KCNB2: variants seen among roughly 807,000 people sequenced by gnomAD.
KCNB2 encodes delayed rectifier potassium channel protein.
Under a neutral mutation model 61.5 loss-of-function variants are expected in KCNB2, and 15 were observed. The ratio of observed to expected loss-of-function variants is 0.24; its 90% CI spans 0.16 to 0.38. The LOEUF (loss-of-function observed/expected upper bound fraction) is 0.38, where lower values mean the gene tolerates loss of function less well. KCNB2 is among the 10% of genes least tolerant of loss of function. The pLI is 1.00. For synonymous variants in KCNB2, 457 were observed against 446.0 expected, an observed-to-expected ratio of 1.02 and a Z score of -0.31; for missense variants, 828 against 1,125.2, an observed-to-expected ratio of 0.74 and a Z score of 3.78.
At chr8:72,561,806 A>T (rs1806541409) in intron 1 of KCNB2, among the ~76,000 whole-genome samples, 1 of 116,146 alleles carries the variant, frequency 8.6e-6, no homozygotes, top group African/African-American at 3.1e-5. Flanking sequence ...TATATATATG[A>T]ATGATAGTTT....
intron 2 of KCNB2, among the ~76,000 whole-genome samples, chr8:72,821,631 CAAAAAAAA>C (rs1187637196): frequency 1.9e-4 from 11 of 56,466 alleles, no homozygotes; most frequent in African/African-American, 9.2e-4. Flanking sequence ...CACACACACA[CAAAAAAAA>C]ACAAAAAAAA....
At chr8:72,737,025 G>A (rs1807857854) in intron 2 of KCNB2, among the ~76,000 whole-genome samples, 2 of 150,812 alleles carry the variant, frequency 1.3e-5, no homozygotes, top group African/African-American at 4.9e-5. Flanking sequence ...TTGAAATGTA[G>A]TTGCTATTTT....
At chr8:72,682,214 C>T (rs1005838207) in intron 2 of KCNB2, among the ~76,000 whole-genome samples, 2 of 152,122 alleles carry the variant, frequency 1.3e-5, no homozygotes, top group East Asian at 3.9e-4. Context: ...TCATGATAAA[C>T]GTCCTCTGGA....
chr8:72,555,980 C>T (rs1235551574), intron 1 of KCNB2, among the ~76,000 whole-genome samples: 1 of 151,970 alleles, frequency 6.6e-6, no homozygotes, highest in Admixed American at 6.6e-5. Context: ...AATATTTTCT[C>T]TCTTTGTCCA....
At chr8:72,910,005 G>C (rs1168628984) in intron 2 of KCNB2, among the ~76,000 whole-genome samples, 1 of 152,152 alleles carries the variant, frequency 6.6e-6, no homozygotes, top group Non-Finnish European at 1.5e-5. Context: ...CCAATCATCT[G>C]TGTGACTCCT....
chr8:72,576,095 G>A (rs902538482), intron 2 of KCNB2, among the ~76,000 whole-genome samples: 3 of 152,082 alleles, frequency 2.0e-5, no homozygotes, highest in Non-Finnish European at 4.4e-5. Flanking sequence ...TCAAAACATG[G>A]TATAGGAAAA....
chr8:72,847,071 G>A (rs1216308252), intron 2 of KCNB2, among the ~76,000 whole-genome samples: 1 of 152,154 alleles, frequency 6.6e-6, no homozygotes, highest in Non-Finnish European at 1.5e-5. Context: ...GGAATACTAT[G>A]CACTCAGTTG....
intron 2 of KCNB2, among the ~76,000 whole-genome samples, chr8:72,913,451 C>T (rs1806336555): frequency 6.6e-6 from 1 of 152,184 alleles, no homozygotes; most frequent in Non-Finnish European, 1.5e-5. Flanking sequence ...CACAGGATTG[C>T]TATTCTCCCT....
At chr8:72,592,562 A>G (rs1807117840) in intron 2 of KCNB2, among the ~76,000 whole-genome samples, 1 of 152,048 alleles carries the variant, frequency 6.6e-6, no homozygotes, top group Non-Finnish European at 1.5e-5. Flanking sequence ...TATGTGAGGC[A>G]TGGCCACATG....
chr8:72,659,366 G>A (rs1472428211), intron 2 of KCNB2, among the ~76,000 whole-genome samples: 2 of 152,212 alleles, frequency 1.3e-5, no homozygotes, highest in Non-Finnish European at 2.9e-5. Context: ...TAGATGAGGA[G>A]TTGCTTCTTA....
At chr8:72,819,471 T>C (rs1809456076) in intron 2 of KCNB2, among the ~76,000 whole-genome samples, 1 of 152,174 alleles carries the variant, frequency 6.6e-6, no homozygotes, top group South Asian at 2.1e-4. Context: ...ACCTTTGTTG[T>C]AGCAAGTTGA....
At position 72,936,733 on chromosome 8, in the gene KCNB2, C is replaced by T; in HGVS notation, c.1378C>T (p.Arg460Ter). 1 of 1,614,098 alleles carries T rather than the reference C, an allele frequency of 6.2e-7. No individual in the cohort carries two copies. Among genetic ancestry groups the T allele is most frequent in the East Asian group, 2.2e-5 (1 of 44,872 alleles). The part of the protein sequence containing the change: ...VSMNLKDAFA[R>*]SMELIDVAVE... Reference sequence around the variant, plus strand: ...TATGAACTTAAAAGATGCCTTCGCTCGAAGTATGGAACTGATAGATGTGGC... The same window carrying T: ...TATGAACTTAAAAGATGCCTTCGCTTGAAGTATGGAACTGATAGATGTGGC... The change falls in exon 3 of 3, where the codon CGA becomes TGA. Residue 460 changes from arginine to a stop codon, truncating the protein, a stop_gained. Transcript: ENST00000523207. LOFTEE classifies it high-confidence loss of function. The surrounding 1 kb of genome is among the most constrained non-coding windows in gnomAD (Gnocchi z 5.6).
At chr8:72,705,347 A>G (rs1373070644) in intron 2 of KCNB2, among the ~76,000 whole-genome samples, 2 of 152,214 alleles carry the variant, frequency 1.3e-5, no homozygotes, top group Admixed American at 6.5e-5. Context: ...CTGATTTTAC[A>G]TGCAGGAACC....
intron 2 of KCNB2, among the ~76,000 whole-genome samples, chr8:72,610,098 T>C (rs1805514372): frequency 6.6e-6 from 1 of 151,982 alleles, no homozygotes; most frequent in South Asian, 2.1e-4. Flanking sequence ...AGGGTTGGGA[T>C]AAAACAACAG....
chr8:72,640,694 A>G (rs547103724), intron 2 of KCNB2, among the ~76,000 whole-genome samples: 10 of 152,188 alleles, frequency 6.6e-5, no homozygotes, highest in Non-Finnish European at 1.3e-4. Flanking sequence ...TAAAAAAAAT[A>G]TTAGGAAAAA....
At chr8:72,764,656 T>C (rs1440348) in intron 2 of KCNB2, among the ~76,000 whole-genome samples, 3,402 of 152,246 alleles carry the variant, frequency 0.022, 74 homozygotes, top group African/African-American at 0.055. Context: ...TCATATATAG[T>C]CTTATATTCC....
intron 2 of KCNB2, among the ~76,000 whole-genome samples, chr8:72,790,817 G>T (rs1232242290): frequency 6.6e-6 from 1 of 152,108 alleles, no homozygotes; most frequent in Non-Finnish European, 1.5e-5. Context: ...CTTACTCTAT[G>T]TCCAGCTGAC....
At chr8:72,919,207 T>G (rs1316670069) in intron 2 of KCNB2, among the ~76,000 whole-genome samples, 1 of 152,232 alleles carries the variant, frequency 6.6e-6, no homozygotes, top group Non-Finnish European at 1.5e-5. Flanking sequence ...TCTTTACATA[T>G]TTAAGCATCT....
At chr8:72,874,642 T>C (rs1181814655) in intron 2 of KCNB2, among the ~76,000 whole-genome samples, 1 of 152,194 alleles carries the variant, frequency 6.6e-6, no homozygotes. Flanking sequence ...AATGAAATGT[T>C]TACATTGCAG....
Sources: allele counts gnomAD v4.1 joint callset (sites outside exome capture counted in the v4.1 genomes callset), GRCh38; gene constraint gnomAD v4.1.1; non-coding constraint Gnocchi (gnomAD v3.1); transcripts MANE v1.5; gene names NCBI Gene and HGNC (gene_info 2026-07-23, HGNC 2026-07-21).